NCALD: variants seen among roughly 807,000 people sequenced by gnomAD.
NCALD encodes the protein neurocalcin-delta.
In NCALD, 10 loss-of-function variants were observed where a neutral mutation model predicts 18.6. That is an observed-to-expected ratio of 0.54 (90% CI 0.33 to 0.91). The LOEUF (loss-of-function observed/expected upper bound fraction) is 0.91. Among genes scored for constraint, NCALD ranks in the 40% least tolerant of loss-of-function variants. The pLI is 0.03. For missense variants in NCALD, 184 were observed against 247.6 expected (o/e 0.74, Z 1.72); for synonymous variants, 88 against 87.4 (o/e 1.01, Z -0.04).
intron 1 of NCALD, among the ~76,000 whole-genome samples, chr8:101,787,833 T>C (rs1220477728): frequency 6.6e-6 from 1 of 152,216 alleles, no homozygotes; most frequent in Non-Finnish European, 1.5e-5. Flanking sequence ...AATTGATCAA[T>C]TCACACGTGT....
Position 101,831,974 on chromosome 8 carries a change from T to C in NCALD, c.-20+55167A>G, listed in dbSNP as rs549298586. On this transcript the variant is annotated intron_variant, in intron 4 of 6. Coordinates refer to the NCALD transcript ENST00000311028. ...TAGTAACAATGAAAACATTCTCCTT[T>C]GTGTTTTGCCAGTGCAGATAAAGGC... is the stretch of plus-strand genomic sequence containing the variant. Among the ~76,000 whole-genome samples, 199 of 152,318 alleles carry C rather than the reference T, an allele frequency of 1.3e-3. 1 individual carries two copies. Among genetic ancestry groups the C allele is most frequent in the African/African-American group, 4.6e-3 (190 of 41,570 alleles).
chr8:102,075,917 A>C (rs1278384200), intron 1 of NCALD, among the ~76,000 whole-genome samples: 1 of 151,626 alleles, frequency 6.6e-6, no homozygotes, highest in African/African-American at 2.4e-5. Context: ...CCACCGTGGC[A>C]CTCCAGCCTG....
chr8:101,980,926 C>T (rs1030723699), intron 2 of NCALD, among the ~76,000 whole-genome samples: 1 of 152,220 alleles, frequency 6.6e-6, no homozygotes, highest in Non-Finnish European at 1.5e-5. Context: ...TCCTTAAAAA[C>T]CCAATTCAAG....
intron 1 of NCALD, among the ~76,000 whole-genome samples, chr8:102,062,541 T>C (rs889908933): frequency 6.6e-6 from 1 of 152,232 alleles, no homozygotes; most frequent in African/African-American, 2.4e-5. Context: ...AGGGTGCGGC[T>C]ACCTCATCAA....
chr8:101,689,294 T>A lies in NCALD; in HGVS notation c.*15A>T, dbSNP rs1814600999. The A allele has an allele frequency of 6.2e-7, 1 of 1,611,334 alleles. No individual in the cohort carries two copies. The highest frequency in any genetic ancestry group is 2.2e-5 in the East Asian group (1 of 44,834). ...AACACAAGCAGCTCTACAATTCGAT[T>A]GGTGGGCGCAGGGCTCAGAACTGGC... On this transcript the variant is annotated 3_prime_UTR_variant, in exon 4 of 4. Transcript: ENST00000220931. The surrounding 1 kb of genome is among the most constrained non-coding windows in gnomAD (Gnocchi z 4.4).
intron 2 of NCALD, among the ~76,000 whole-genome samples, chr8:101,715,712 A>G (rs960039080): frequency 1.3e-5 from 2 of 152,214 alleles, no homozygotes; most frequent in Non-Finnish European, 2.9e-5. Context: ...AAAACATATG[A>G]AAAAAAGCTC....
rs192019916 is a variant in NCALD, at chr8:102,112,004, G to T, written c.-210+12233C>A. Among the ~76,000 whole-genome samples the T allele has an allele frequency of 2.9e-3, 439 of 152,224 alleles. 1 individual carries two copies. Among genetic ancestry groups the T allele is most frequent in the Admixed American group, 7.5e-3 (114 of 15,286 alleles). On this transcript the variant is annotated intron_variant, in intron 1 of 6. Transcript: ENST00000311028. ...CAATATTACTATAAACACACCCAAG[G>T]ATGTTCACCACTGAAAGAAATTCTT...
chr8:101,943,365 CAGG>C (rs1371943315), intron 2 of NCALD, among the ~76,000 whole-genome samples: 1 of 152,172 alleles, frequency 6.6e-6, no homozygotes, highest in Non-Finnish European at 1.5e-5. Context: ...TTCCTATTTG[CAGG>C]AGGTTTTACA....
intron 3 of NCALD, chr8:101,690,807 C>A (rs1476249270): frequency 4.1e-6 from 4 of 985,294 alleles, no homozygotes; most frequent in Non-Finnish European, 4.8e-6. Flanking sequence ...TAATGACTTC[C>A]TCCAGCTTGG....
chr8:101,704,814 G>T (rs1346969336), intron 2 of NCALD, among the ~76,000 whole-genome samples: 1 of 152,002 alleles, frequency 6.6e-6, no homozygotes, highest in Non-Finnish European at 1.5e-5. Flanking sequence ...CAGCTACTCG[G>T]GAGGCTGAGG....
rs1171271735 is a variant in NCALD, at chr8:101,871,739, AC to A, written c.-20+15401del. ...AAACATAATTTATACAAAACTAAAA[AC>A]CAGAAGGATTCATTCTTGCTTTTCC... On this transcript the variant is annotated intron_variant, in intron 4 of 6. Coordinates refer to the NCALD transcript ENST00000311028. 26 of 210,400 alleles carry A rather than the reference AC, an allele frequency of 1.2e-4. No individual in the cohort carries two copies. The Middle Eastern group carries it at 6.5e-3, about 53-fold the overall frequency. 13.0% of individuals were successfully genotyped at this position (210,400 alleles called of 1,614,324 possible). A position where few individuals can be genotyped will look rare whatever the true frequency, so the allele number is the denominator to read the frequency against.
intron 4 of NCALD, among the ~76,000 whole-genome samples, chr8:101,862,989 C>T (rs1047366073): frequency 1.8e-4 from 28 of 152,228 alleles, no homozygotes; most frequent in African/African-American, 6.3e-4. Flanking sequence ...AAGTGAAGGC[C>T]CAAGAAGAAA....
chr8:101,726,744 AT>A (rs1816590220), intron 1 of NCALD, among the ~76,000 whole-genome samples: 1 of 152,148 alleles, frequency 6.6e-6, no homozygotes, highest in African/African-American at 2.4e-5. Flanking sequence ...GGCGATATAA[AT>A]TTGGTAGTCA....
chr8:101,911,555 G>A (rs191101997), intron 3 of NCALD, among the ~76,000 whole-genome samples: 50 of 151,722 alleles, frequency 3.3e-4, no homozygotes, highest in African/African-American at 9.4e-4. Context: ...ATGGGGTTTC[G>A]CCATGTTGGC....
intron 4 of NCALD, among the ~76,000 whole-genome samples, chr8:101,838,929 A>T (rs1814526839): frequency 6.6e-6 from 1 of 152,242 alleles, no homozygotes; most frequent in Non-Finnish European, 1.5e-5. Flanking sequence ...GATGTTTTTC[A>T]TCCAGAAAGT....
intron 1 of NCALD, among the ~76,000 whole-genome samples, chr8:102,060,163 G>A (rs997715992): frequency 1.3e-5 from 2 of 151,838 alleles, no homozygotes; most frequent in Non-Finnish European, 2.9e-5. Context: ...TTGTATTTTC[G>A]GTACAGACAG....
chr8:101,895,357 C>T (rs1318475028), intron 3 of NCALD, among the ~76,000 whole-genome samples: 1 of 141,948 alleles, frequency 7.0e-6, no homozygotes, highest in African/African-American at 3.0e-5. Context: ...ATTGATGGGA[C>T]ATATTTCAAA....
At chr8:101,784,954 C>T (rs1465406467) in intron 1 of NCALD, among the ~76,000 whole-genome samples, 1 of 152,120 alleles carries the variant, frequency 6.6e-6, no homozygotes, top group African/African-American at 2.4e-5. Context: ...TATTTTTTCT[C>T]ATTAACATTA....
chr8:101,833,476 G>C (rs530854011), intron 4 of NCALD, among the ~76,000 whole-genome samples: 38 of 152,320 alleles, frequency 2.5e-4, no homozygotes, highest in African/African-American at 8.7e-4. Context: ...CAGTTCAGCA[G>C]ACTGTCCAAA....
Sources: allele counts gnomAD v4.1 joint callset (sites outside exome capture counted in the v4.1 genomes callset), GRCh38; gene constraint gnomAD v4.1.1; non-coding constraint Gnocchi (gnomAD v3.1); transcripts MANE v1.5; gene names NCBI Gene and HGNC (gene_info 2026-07-23, HGNC 2026-07-21).